MRPS28: variants seen among roughly 807,000 people sequenced by gnomAD.
MRPS28 encodes small ribosomal subunit protein bS1m.
A neutral mutation model predicts 10.8 loss-of-function variants in MRPS28; 7 were observed. That is an observed-to-expected ratio of 0.65 (90% CI 0.37 to 1.22). MRPS28 has a LOEUF of 1.22. Ranked by LOEUF, MRPS28 falls within the 50% of genes most tolerant of loss-of-function variation. The pLI, the probability that MRPS28 is intolerant of heterozygous loss-of-function variation, is 0.02. For missense variants in MRPS28, 265 were observed against 232.9 expected (o/e 1.14, Z -0.90); for synonymous variants, 121 against 93.3 (o/e 1.30, Z -1.71).
At chr8:79,926,788 C>T (rs1314629219) in intron 2 of MRPS28, among the ~76,000 whole-genome samples, 6 of 152,306 alleles carry the variant, frequency 3.9e-5, no homozygotes, top group Admixed American at 3.9e-4. Context: ...GGAGCTATCA[C>T]AGAATATCTG....
intron 2 of MRPS28, among the ~76,000 whole-genome samples, chr8:79,999,229 C>A (rs1256918739): frequency 1.3e-5 from 2 of 152,182 alleles, no homozygotes; most frequent in African/African-American, 4.8e-5. Context: ...AACACGTGTC[C>A]AGCCCAATAA....
At chr8:80,012,621 T>C (rs1175991525) in intron 1 of MRPS28, among the ~76,000 whole-genome samples, 1 of 152,204 alleles carries the variant, frequency 6.6e-6, no homozygotes, top group African/African-American at 2.4e-5. Context: ...GGTACTAACT[T>C]GGAGTTGACT....
At chr8:79,982,287 A>G (rs2130081219) in intron 2 of MRPS28, among the ~76,000 whole-genome samples, 1 of 152,344 alleles carries the variant, frequency 6.6e-6, no homozygotes, top group South Asian at 2.1e-4. Context: ...GGTGGAGCCA[A>G]GATGGCCAAA....
intron 2 of MRPS28, among the ~76,000 whole-genome samples, chr8:79,963,614 T>C (rs192373002): frequency 3.9e-5 from 6 of 152,224 alleles, no homozygotes; most frequent in East Asian, 1.9e-4. Context: ...GCCAGTACAA[T>C]AGGCCTTGCC....
rs752819778 is a variant in MRPS28, at chr8:80,003,031, A to G, written c.363T>C (p.His121=). The change falls in exon 2 of 3, where the codon CAT becomes CAC. Residue 121 remains histidine (H), a synonymous_variant. Coordinates refer to ENST00000276585, the MANE Select transcript of MRPS28 (RefSeq NM_014018.3). ...DLYIDFGGKF[H]CVCRRPEVDG... is the part of the protein sequence containing the mutation. ...CCACTTCTGGTCTTCTACATACACA[A>G]TGAAACTTTCCACCAAAATCTATGT... The G allele has an allele frequency of 1.6e-5, 25 of 1,605,492 alleles. 2 individuals carry two copies. In the South Asian group the frequency reaches 2.5e-4, roughly 16 times the overall value.
At chr8:79,982,614 C>T (rs1807996625) in intron 2 of MRPS28, among the ~76,000 whole-genome samples, 1 of 152,192 alleles carries the variant, frequency 6.6e-6, no homozygotes, top group Non-Finnish European at 1.5e-5. Flanking sequence ...GAGATTATAT[C>T]CTGCACCTGG....
At chr8:79,979,331 C>T (rs536185561) in intron 2 of MRPS28, among the ~76,000 whole-genome samples, 14 of 152,094 alleles carry the variant, frequency 9.2e-5, no homozygotes, top group African/African-American at 2.4e-4. Flanking sequence ...TATTCCCAGT[C>T]TCCTTCTCAC....
At chr8:80,029,258 T>C (rs563286599) in intron 1 of MRPS28, among the ~76,000 whole-genome samples, 3 of 152,354 alleles carry the variant, frequency 2.0e-5, no homozygotes, top group African/African-American at 4.8e-5. Context: ...TAATTGCTAC[T>C]AAAATGACCC....
At chr8:79,991,184 T>C (rs1401489802) in intron 2 of MRPS28, among the ~76,000 whole-genome samples, 1 of 152,196 alleles carries the variant, frequency 6.6e-6, no homozygotes, top group Non-Finnish European at 1.5e-5. Context: ...CTTGGCTTTC[T>C]GGACTATATG....
rs528414694 is a variant in MRPS28 at position 80,003,735 on chromosome 8, A to G, written c.214-555T>C. 3.3e-5 allele frequency among the ~76,000 whole-genome samples: 5 copies of G among 152,262 alleles called. No individual in the cohort carries two copies. The South Asian group carries it at 1.0e-3, about 32-fold the overall frequency. ...AAGGGGTCAGGGAATTCCCTTTCCTAGCCAAGGGAAGCTGTGACAGACGGC... is the reference window on the plus strand; with the variant it reads ...AAGGGGTCAGGGAATTCCCTTTCCTGGCCAAGGGAAGCTGTGACAGACGGC... On this transcript the variant is annotated intron_variant, in intron 1 of 2. Transcript: ENST00000276585.
rs1302006960 is a variant in MRPS28 at position 80,030,252 on chromosome 8, T to G, written c.-4A>C. ...GGGTCCGACACAGCGCCGCCATGAC[T>G]TCTTTACCTCTGACCTTTGACCTCC... On this transcript the variant is annotated 5_prime_UTR_variant, in exon 1 of 3. Transcript: ENST00000276585. The G allele has an allele frequency of 6.2e-7, 1 of 1,614,142 alleles. No individual in the cohort carries two copies. The highest frequency in any genetic ancestry group is 8.5e-7 in the Non-Finnish European group (1 of 1,180,026).
intron 1 of MRPS28, among the ~76,000 whole-genome samples, chr8:80,012,364 A>C (rs950628896): frequency 2.6e-5 from 4 of 152,226 alleles, no homozygotes; most frequent in Non-Finnish European, 5.9e-5. Context: ...CCTAGGGCTT[A>C]TGCCAAAATG....
At chr8:79,992,172 T>C (rs925644412) in intron 2 of MRPS28, among the ~76,000 whole-genome samples, 8 of 152,208 alleles carry the variant, frequency 5.3e-5, no homozygotes, top group African/African-American at 1.9e-4. Context: ...CTGAACTTCA[T>C]GTGAGACCTT....
At chr8:79,933,839 A>C (rs755479960) in intron 2 of MRPS28, among the ~76,000 whole-genome samples, 1 of 152,202 alleles carries the variant, frequency 6.6e-6, no homozygotes, top group Non-Finnish European at 1.5e-5. Flanking sequence ...ACTGTGAAAA[A>C]GGTGTTCCTT....
At chr8:79,937,399 G>A (rs947146499) in intron 2 of MRPS28, among the ~76,000 whole-genome samples, 5 of 152,124 alleles carry the variant, frequency 3.3e-5, no homozygotes, top group Admixed American at 2.0e-4. Context: ...GCGACTGGGG[G>A]CAGAAAAATC....
chr8:79,951,554 C>T (rs1404390308), intron 2 of MRPS28, among the ~76,000 whole-genome samples: 1 of 152,120 alleles, frequency 6.6e-6, no homozygotes, highest in Non-Finnish European at 1.5e-5. Context: ...TTGCACTGGG[C>T]CCTGGGAATT....
chr8:80,028,664 C>CGGGGGG (rs1278468176), intron 1 of MRPS28: 1 of 7,062 alleles, frequency 1.4e-4, no homozygotes, highest in African/African-American at 3.1e-4. Context: ...GGGGCGGGGC[C>CGGGGGG]GGGCGGGGTC....
At chr8:79,965,758 A>G (rs952337935) in intron 2 of MRPS28, among the ~76,000 whole-genome samples, 1 of 152,074 alleles carries the variant, frequency 6.6e-6, no homozygotes, top group African/African-American at 2.4e-5. Context: ...TAGATGCTTT[A>G]AGCATATAAG....
chr8:79,986,500 T>G, intron 2 of MRPS28, among the ~76,000 whole-genome samples: 1 of 152,204 alleles, frequency 6.6e-6, no homozygotes, highest in East Asian at 1.9e-4. Flanking sequence ...TGTTTGCAGA[T>G]GACATGATTG....
Sources: allele counts gnomAD v4.1 joint callset (sites outside exome capture counted in the v4.1 genomes callset), GRCh38; gene constraint gnomAD v4.1.1; transcripts MANE v1.5; gene names NCBI Gene and HGNC (gene_info 2026-07-23, HGNC 2026-07-21).